Variants in PIGB observed in about 807,000 individuals in gnomAD.
PIGB encodes phosphatidylinositol glycan anchor biosynthesis class B, also known as GPI alpha-1,2-mannosyltransferase 3.
A neutral mutation model predicts 68.4 loss-of-function variants in PIGB; 58 were observed. The ratio of observed to expected loss-of-function variants is 0.85; its 90% confidence interval spans 0.69 to 1.06. The LOEUF (loss-of-function observed/expected upper bound fraction) is 1.06, where lower values mean the gene tolerates loss of function less well. PIGB is among the 50% of genes least tolerant of loss of function. The pLI is 0.00. For missense variants in PIGB, 634 were observed against 655.8 expected, an observed-to-expected ratio of 0.97 and a Z score of 0.36; for synonymous variants, 219 against 220.5, an observed-to-expected ratio of 0.99 and a Z score of 0.06.
intron 9 of PIGB, among the ~76,000 whole-genome samples, chr15:55,347,548 G>C (rs1794154274): frequency 6.6e-6 from 1 of 152,074 alleles, no homozygotes; most frequent in Non-Finnish European, 1.5e-5. Context: ...ATGTAGTAAG[G>C]CTCCCAGAAT....
rs757564724 is a variant in PIGB at position 55,350,747 on chromosome 15, T to C, written c.1172T>C (p.Phe391Ser). Residue 391 changes from phenylalanine (F) to serine (S), a missense_variant, in exon 10 of 12, where the codon TTC becomes TCC. By Grantham distance (155) the Phe-to-Ser change is radical. Coordinates refer to ENST00000164305, the MANE Select transcript of PIGB (RefSeq NM_004855.5). ...LKTWKKPALS[F>S]LFLSNLFLAL... is the part of the protein sequence containing the mutation. ...ACATGGAAGAAACCAGCTCTAAGTT[T>C]CCTGTTTTTATCAAATTTGTTCCTC... is the stretch of plus-strand genomic sequence containing the variant. 5 of 1,613,722 alleles carry C rather than the reference T, an allele frequency of 3.1e-6. No homozygotes were observed. Among genetic ancestry groups the C allele is most frequent in the Non-Finnish European group, 3.4e-6 (4 of 1,179,722 alleles).
chr15:55,336,147 T>G (rs540983733), intron 6 of PIGB, among the ~76,000 whole-genome samples: 6 of 152,284 alleles, frequency 3.9e-5, no homozygotes, highest in Non-Finnish European at 8.8e-5. Flanking sequence ...GGCTCACACC[T>G]GTAATCCCAG....
chr15:55,349,286 G>C (rs1174473113), intron 9 of PIGB, among the ~76,000 whole-genome samples: 1 of 152,098 alleles, frequency 6.6e-6, no homozygotes, highest in Non-Finnish European at 1.5e-5. Flanking sequence ...GAGCACAGGT[G>C]AACCTCCTGC....
intron 6 of PIGB, 149 bp downstream of exon 6, chr15:55,334,156 A>G (rs1255036806): frequency 2.1e-6 from 1 of 478,856 alleles, no homozygotes; most frequent in East Asian, 3.5e-5. Flanking sequence ...CAAAACTTAT[A>G]TTTTTTATTT....
At chr15:55,341,842 A>C in intron 9 of PIGB, 40 bp downstream of exon 9, 1 of 879,372 alleles carries the variant, frequency 1.1e-6, no homozygotes, top group Non-Finnish European at 1.6e-6. Flanking sequence ...AATTATATAG[A>C]AATAGTCTAA....
chr15:55,325,087 G>T (rs1460029107), intron 3 of PIGB, among the ~76,000 whole-genome samples: 1 of 152,198 alleles, frequency 6.6e-6, no homozygotes, highest in Non-Finnish European at 1.5e-5. Flanking sequence ...AGCACTTTGG[G>T]AGGGTGAGGG....
chr15:55,319,429 C>G lies in PIGB; in HGVS notation c.163+16C>G. ...CGCCGCGGGGGTGAGTGAGGGGACA[C>G]TGTCTGGAGAGCTCCTACCCCCATC... On this transcript the variant is annotated intron_variant, in intron 1 of 11. Coordinates refer to ENST00000164305, the MANE Select transcript of PIGB (RefSeq NM_004855.5). 1.3e-6 allele frequency: 2 copies of G among 1,548,910 alleles called. No individual in the cohort carries two copies. Among genetic ancestry groups the G allele is most frequent in the South Asian group, 1.2e-5 (1 of 83,954 alleles).
chr15:55,334,905 A>C (rs1273454592), intron 6 of PIGB, among the ~76,000 whole-genome samples: 1 of 152,138 alleles, frequency 6.6e-6, no homozygotes, highest in South Asian at 2.1e-4. Flanking sequence ...TTTTTAGTCG[A>C]GTTGGGGTTT....
intron 7 of PIGB, 199 bp from the exon 8 acceptor site, chr15:55,340,413 G>C (rs997673497): frequency 3.4e-6 from 1 of 292,814 alleles, no homozygotes; most frequent in Non-Finnish European, 6.2e-6. Flanking sequence ...CCGAGATCGC[G>C]CCACTGCACT....
intron 6 of PIGB, among the ~76,000 whole-genome samples, chr15:55,334,856 A>C (rs1442451778): frequency 6.6e-6 from 1 of 152,126 alleles, no homozygotes; most frequent in Non-Finnish European, 1.5e-5. Flanking sequence ...AACAGCTGGG[A>C]TTACAGGCGC....
At chr15:55,353,336 G>A (rs2055968221) in intron 10 of PIGB, among the ~76,000 whole-genome samples, 1 of 152,174 alleles carries the variant, frequency 6.6e-6, no homozygotes, top group South Asian at 2.1e-4. Flanking sequence ...TTTTTCTGAG[G>A]AATTTCTGCT....
At chr15:55,327,202 TATC>T (rs202123598) in intron 3 of PIGB, among the ~76,000 whole-genome samples, 5,262 of 138,848 alleles carry the variant, frequency 0.038, 87 homozygotes, top group Non-Finnish European at 0.042. Context: ...GACTGGTAAA[TATC>T]ATATTTATAT....
Position 55,355,640 on chromosome 15 carries a change from T to G in PIGB, c.*208T>G. On this transcript the variant is annotated 3_prime_UTR_variant, in exon 12 of 12. Transcript: ENST00000164305. ...CCAGATTTTAAATAAAGACCTTTAG[T>G]TTTCCTCATGGTGTAGTTTTATTGT... 1 of 386,752 alleles carries G rather than the reference T, an allele frequency of 2.6e-6. No individual in the cohort carries two copies. The highest frequency in any genetic ancestry group is 4.2e-5 in the East Asian group (1 of 23,870). The allele number at this position is 386,752 out of a possible 1,614,324, so 24.0% of individuals were successfully genotyped here.
rs1302271445 is a variant in PIGB, at chr15:55,320,348, G to C, written c.237G>C (p.Gln79His). 6.2e-7 allele frequency: 1 copy of C among 1,613,310 alleles called. No individual in the cohort carries two copies. The change falls in exon 2 of 12, where the codon CAG becomes CAC. Residue 79 changes from glutamine to histidine, a missense_variant. Coordinates refer to ENST00000164305, the MANE Select transcript of PIGB (RefSeq NM_004855.5). ...ALRILNCFLV[Q>H]TSFVPDEYWQ... The stretch of plus-strand genomic sequence containing the variant: ...GAATATTAAACTGCTTTTTAGTGCA[G>C]ACAAGTTTTGTTCCAGATGAATACT...
At chr15:55,324,436 G>A (rs1257910551) in intron 3 of PIGB, among the ~76,000 whole-genome samples, 1 of 152,144 alleles carries the variant, frequency 6.6e-6, no homozygotes, top group African/African-American at 2.4e-5. Flanking sequence ...TCAGAACTCC[G>A]CTTATTGTTA....
chr15:55,347,423 A>G (rs1361734511), intron 9 of PIGB, among the ~76,000 whole-genome samples: 6 of 152,262 alleles, frequency 3.9e-5, no homozygotes, highest in Non-Finnish European at 8.8e-5. Context: ...GCGAGAGTCC[A>G]TCTCAAAAAA....
rs184646082 is a variant in PIGB, at chr15:55,340,382, C to T, written c.847-230C>T. 2.7e-3 allele frequency: 626 copies of T among 229,894 alleles called. 7 individuals are homozygous for T. The highest frequency in any genetic ancestry group is 0.026 in the East Asian group (222 of 8,482). 14.2% of individuals were successfully genotyped at this position (229,894 alleles called of 1,614,324 possible). ...GAGGCAGGAGAATGGCGTGAACCCGCGAGGCGGAGCTTGCAGTGAGCCGAG... is the reference window on the plus strand; with the variant it reads ...GAGGCAGGAGAATGGCGTGAACCCGTGAGGCGGAGCTTGCAGTGAGCCGAG... On this transcript the variant is annotated intron_variant, in intron 7 of 11. Transcript: ENST00000164305.
At chr15:55,329,142 T>C (rs751576617) in intron 4 of PIGB, among the ~76,000 whole-genome samples, 9 of 151,624 alleles carry the variant, frequency 5.9e-5, no homozygotes, top group Non-Finnish European at 1.0e-4. Flanking sequence ...AATGGTGCTC[T>C]GTGTGCATGT....
Position 55,350,733 on chromosome 15 carries a change from A to G in PIGB, c.1158A>G (p.Lys386=). The G allele has an allele frequency of 5.0e-6, 8 of 1,613,660 alleles. No homozygotes were observed. The highest frequency in any genetic ancestry group is 6.8e-6 in the Non-Finnish European group (8 of 1,179,690). The change falls in exon 10 of 12, where the codon AAA becomes AAG. Residue 386 remains lysine (K), a synonymous_variant. Transcript: ENST00000164305. ...TAACCCACCTGAAAACATGGAAGAA[A>G]CCAGCTCTAAGTTTCCTGTTTTTAT... ...YSLTHLKTWK[K]PALSFLFLSN... is the part of the protein sequence containing the mutation.
Sources: allele counts gnomAD v4.1 joint callset (sites outside exome capture counted in the v4.1 genomes callset), GRCh38; gene constraint gnomAD v4.1.1; transcripts MANE v1.5; gene names NCBI Gene and HGNC (gene_info 2026-07-23, HGNC 2026-07-21).